PLSCR5: variants seen among roughly 807,000 people sequenced by gnomAD.
PLSCR5 encodes the protein phospholipid scramblase family member 5.
Under a neutral mutation model 33.6 loss-of-function variants are expected in PLSCR5, and 44 were observed. The ratio of observed to expected loss-of-function variants is 1.31; its 90% CI spans 1.03 to 1.69. The LOEUF (loss-of-function observed/expected upper bound fraction) is 1.69. Among genes scored for constraint, PLSCR5 ranks in the 40% most tolerant of loss-of-function variants. PLSCR5 has a pLI of 0.00. For synonymous variants in PLSCR5, 148 were observed against 112.3 expected (o/e 1.32, Z -2.01); for missense variants, 375 against 318.7 (o/e 1.18, Z -1.34).
intron 4 of PLSCR5, among the ~76,000 whole-genome samples, chr3:146,592,320 CTAAGAT>C (rs1402744301): frequency 6.6e-6 from 1 of 151,872 alleles, no homozygotes; most frequent in Non-Finnish European, 1.5e-5. Context: ...TATTTTTTCT[CTAAGAT>C]TATAAGCTCC....
At chr3:146,578,341 T>A (rs2044612121) in intron 7 of PLSCR5, among the ~76,000 whole-genome samples, 2 of 152,120 alleles carry the variant, frequency 1.3e-5, no homozygotes, top group Non-Finnish European at 2.9e-5. Context: ...AGATATACTA[T>A]CAGTGGATAA....
At chr3:146,589,926 A>G (rs2044699723) in intron 5 of PLSCR5, 112 bp from the exon 6 acceptor site, 1 of 654,474 alleles carries the variant, frequency 1.5e-6, no homozygotes, top group East Asian at 2.9e-5. Context: ...GTCATCTTCA[A>G]AATGACAATT....
intron 2 of PLSCR5, among the ~76,000 whole-genome samples, chr3:146,598,062 C>T (rs113200912): frequency 0.055 from 8,331 of 151,978 alleles, 228 homozygotes; most frequent in Non-Finnish European, 0.06. Context: ...CATTATATAG[C>T]TAAACACTCA....
rs147553461 is a variant in PLSCR5 at position 146,594,655 on chromosome 3, G to A, written c.232+386C>T. On this transcript the variant is annotated intron_variant, in intron 3 of 7. Coordinates refer to ENST00000443512, the MANE Select transcript of PLSCR5 (RefSeq NM_001085420.2). ...AGTTAGTCATGCTTGTAAATTTGTA[G>A]ATTCTTAAATAATTTGCCTATTTGG... 3.2e-3 allele frequency among the ~76,000 whole-genome samples: 485 copies of A among 152,110 alleles called. 1 individual carries two copies. The highest frequency in any genetic ancestry group is 0.01 in the African/African-American group (427 of 41,530).
intron 1 of PLSCR5, 106 bp from the exon 2 acceptor site, chr3:146,600,569 G>T: frequency 1.9e-6 from 2 of 1,067,608 alleles, no homozygotes; most frequent in Non-Finnish European, 1.2e-6. Flanking sequence ...TTTATCTCCT[G>T]CCTCTCATTT....
chr3:146,605,340 T>C lies in PLSCR5; in HGVS notation c.-128A>G, dbSNP rs1272822016. ...CGTGTTTGTCTGCCTCTTGTCAGCTTACATATAACAGAGGAAGGGAGTCCC... is the reference window on the plus strand; with the variant it reads ...CGTGTTTGTCTGCCTCTTGTCAGCTCACATATAACAGAGGAAGGGAGTCCC... On this transcript the variant is annotated 5_prime_UTR_variant, in exon 1 of 8. The change abolishes the stop of an existing upstream ORF in the 5' untranslated region. Coordinates refer to ENST00000443512, the MANE Select transcript of PLSCR5 (RefSeq NM_001085420.2). 3.9e-6 allele frequency: 6 copies of C among 1,524,946 alleles called. No individual in the cohort carries two copies. The highest frequency in any genetic ancestry group is 5.3e-6 in the Non-Finnish European group (6 of 1,134,098). 94.5% of individuals were successfully genotyped at this position (1,524,946 alleles called of 1,614,324 possible). A position where few individuals can be genotyped will look rare whatever the true frequency, so the allele number is the denominator to read the frequency against.
At chr3:146,580,401 C>T (rs1208684429) in intron 7 of PLSCR5, among the ~76,000 whole-genome samples, 1 of 150,032 alleles carries the variant, frequency 6.7e-6, no homozygotes, top group Non-Finnish European at 1.5e-5. Context: ...ATACTGGCTT[C>T]CTGTGCTTCT....
chr3:146,592,615 T>G (rs2044725411), intron 4 of PLSCR5, among the ~76,000 whole-genome samples: 1 of 152,130 alleles, frequency 6.6e-6, no homozygotes, highest in Non-Finnish European at 1.5e-5. Context: ...TTGACTTTTC[T>G]TATGAAGTTC....
intron 1 of PLSCR5, among the ~76,000 whole-genome samples, chr3:146,604,725 T>C (rs1266227825): frequency 6.6e-6 from 1 of 152,122 alleles, no homozygotes; most frequent in Non-Finnish European, 1.5e-5. Context: ...CATTGCCTGC[T>C]TGTATGAAGA....
chr3:146,599,695 C>G (rs1374823757), intron 2 of PLSCR5, among the ~76,000 whole-genome samples: 1 of 126,606 alleles, frequency 7.9e-6, no homozygotes, highest in South Asian at 2.6e-4. Context: ...TTTTTTTTTT[C>G]CAAGGCAAGT....
At chr3:146,603,047 A>T (rs1013637826) in intron 1 of PLSCR5, among the ~76,000 whole-genome samples, 2 of 152,206 alleles carry the variant, frequency 1.3e-5, no homozygotes, top group Admixed American at 6.6e-5. Flanking sequence ...GTTTGAGAGC[A>T]ACTTGCTCTT....
chr3:146,603,260 T>C (rs983746332), intron 1 of PLSCR5, among the ~76,000 whole-genome samples: 2 of 152,282 alleles, frequency 1.3e-5, no homozygotes, highest in South Asian at 4.1e-4. Context: ...GAAAACATGA[T>C]GTTATAAATA....
chr3:146,601,071 T>C (rs1490378007), intron 1 of PLSCR5, among the ~76,000 whole-genome samples: 5 of 151,066 alleles, frequency 3.3e-5, no homozygotes, highest in Non-Finnish European at 5.9e-5. Flanking sequence ...TTACAAAATA[T>C]AAAAGATATC....
chr3:146,592,178 C>T (rs894559627), intron 4 of PLSCR5, among the ~76,000 whole-genome samples: 4 of 152,140 alleles, frequency 2.6e-5, no homozygotes, highest in Admixed American at 1.3e-4. Flanking sequence ...GCTTCTTTGC[C>T]ATTTTATCCC....
At position 146,605,200 on chromosome 3, in the gene PLSCR5, C is replaced by A. The variant is rs1415604769; in HGVS notation, c.13G>T (p.Asp5Tyr). 3 of 1,610,306 alleles carry A rather than the reference C, an allele frequency of 1.9e-6. No homozygotes were observed. The highest frequency in any genetic ancestry group is 2.2e-5 in the East Asian group (1 of 44,810). Residue 5 changes from aspartate (D) to tyrosine (Y), a missense_variant and splice_region_variant, in exon 1 of 8, where the codon GAT becomes TAT. Asp to Tyr is a radical substitution (Grantham distance 160). Coordinates refer to ENST00000443512, the MANE Select transcript of PLSCR5 (RefSeq NM_001085420.2). Reference protein sequence around the residue: MASKDAQNQRRGLPG... With the variant: MASKYAQNQRRGLPG... ...ATTAGTTGGTTATATTTACTCTTAC[C>A]TTTAGAGGCCATGAAGATGTCTGAG...
In PLSCR5 at chr3:146,605,304, A is replaced by G; in HGVS notation, c.-92T>C. ...AAGGAGAGAAAACGCAGCATGCACA[A>G]AACTTCAGAACGTGTTTGTCTGCCT... On this transcript the variant is annotated 5_prime_UTR_variant, in exon 1 of 8. Coordinates refer to ENST00000443512, the MANE Select transcript of PLSCR5 (RefSeq NM_001085420.2). 6.3e-7 allele frequency: 1 copy of G among 1,598,602 alleles called. No individual in the cohort carries two copies. Among genetic ancestry groups the G allele is most frequent in the Non-Finnish European group, 8.5e-7 (1 of 1,171,986 alleles).
At chr3:146,602,541 C>G (rs926777139) in intron 1 of PLSCR5, among the ~76,000 whole-genome samples, 2 of 151,818 alleles carry the variant, frequency 1.3e-5, no homozygotes, top group Non-Finnish European at 2.9e-5. Context: ...TGGTGGTGGT[C>G]ATGAATGGGT....
In PLSCR5 at chr3:146,589,552, T is replaced by G. The variant is rs56763997; in HGVS notation, c.777+101A>C. ...CTATCCTTCTATGAATAAAATATAC[T>G]CTTTGGGGGTAAAAACTGTGTAAAT... On this transcript the variant is annotated intron_variant, in intron 6 of 7. Transcript: ENST00000443512. 16 of 1,136,638 alleles carry G rather than the reference T, an allele frequency of 1.4e-5. No individual in the cohort carries two copies. The South Asian group carries it at 3.7e-4, about 26-fold the overall frequency. The allele number at this position is 1,136,638 out of a possible 1,614,324, so 70.4% of individuals were successfully genotyped here.
intron 6 of PLSCR5, 163 bp downstream of exon 6, chr3:146,589,490 T>C (rs910874104): frequency 1.2e-5 from 7 of 585,312 alleles, no homozygotes; most frequent in Non-Finnish European, 1.8e-5. Flanking sequence ...AAATGCAGGG[T>C]TCTAAATTCT....
Sources: gnomAD v4.1 joint callset for allele counts (sites outside exome capture counted in the v4.1 genomes callset) on GRCh38, gnomAD v4.1.1 for gene constraint, MANE v1.5 for transcripts, NCBI Gene and HGNC (gene_info 2026-07-23, HGNC 2026-07-21) for gene names.